Variants in THOC2 observed in about 807,000 individuals in gnomAD.
THOC2 encodes the protein THO complex subunit 2.
In THOC2, 10 loss-of-function variants were observed where a neutral mutation model predicts 128.4. That is an observed-to-expected ratio of 0.08 (90% CI 0.05 to 0.13). THOC2 has a LOEUF of 0.13. THOC2 is among the 10% of genes least tolerant of loss of function. The probability of loss-of-function intolerance (pLI) is 1.00; values close to 1 mark genes in which losing one functional copy is unlikely to be tolerated. For synonymous variants in THOC2, 393 were observed against 396.9 expected, an observed-to-expected ratio of 0.99 and a Z score of 0.12; for missense variants, 535 against 1,155.7, an observed-to-expected ratio of 0.46 and a Z score of 7.79.
At chrX:123,719,537 A>G (rs944832955) in intron 1 of THOC2, among the ~76,000 whole-genome samples, 5 of 109,440 alleles carry the variant, frequency 4.6e-5, no homozygotes, top group African/African-American at 1.7e-4. Context: ...TCTACAATCA[A>G]CATATGCTGA....
Position 123,623,848 on chromosome X carries a change from C to T in THOC2, c.3442G>A (p.Val1148Ile). The T allele has an allele frequency of 8.3e-7, 1 of 1,210,960 alleles. No individual in the cohort carries two copies. Among genetic ancestry groups the T allele is most frequent in the Admixed American group, 2.2e-5 (1 of 45,809 alleles). Reference protein sequence around the residue: ...LNLGQALERRVHKICQEEKEK... With the variant: ...LNLGQALERRIHKICQEEKEK... ...TTTTCTTCTTGGCAGATTTTGTGTA[C>T]TCTTCTTTCCAAAGCTTGACCCAGA... Residue 1148 changes from valine to isoleucine, a missense_variant, in exon 28 of 39, where the codon GTA (valine) becomes ATA (isoleucine). By Grantham distance (29) the Val-to-Ile change is conservative. Coordinates refer to ENST00000245838, the MANE Select transcript of THOC2 (RefSeq NM_001081550.2).
At chrX:123,626,163 G>C in intron 24 of THOC2, 94 bp from the exon 25 acceptor site, 1 of 606,935 alleles carries the variant, frequency 1.6e-6, no homozygotes, top group Non-Finnish European at 2.5e-6. Context: ...TTAGTGAAGA[G>C]AATACTATAA....
chrX:123,678,554 A>G (rs2049610572), intron 8 of THOC2, among the ~76,000 whole-genome samples: 1 of 110,628 alleles, frequency 9.0e-6, no homozygotes, highest in Admixed American at 9.7e-5. Flanking sequence ...GGCGTGAGCT[A>G]CCGTGCCTGG....
intron 2 of THOC2, among the ~76,000 whole-genome samples, chrX:123,710,985 A>G (rs2051161621): frequency 1.0e-5 from 1 of 98,561 alleles, no homozygotes; most frequent in Admixed American, 1.1e-4. Flanking sequence ...GCGAGATTCC[A>G]TCTCAAAAAA....
At chrX:123,650,899 C>T (rs975641994) in intron 12 of THOC2, among the ~76,000 whole-genome samples, 10 of 111,588 alleles carry the variant, frequency 9.0e-5, no homozygotes, top group African/African-American at 2.6e-4. Flanking sequence ...GACAGATCAA[C>T]GACACAGAAA....
chrX:123,700,732 C>T (rs970097952), intron 4 of THOC2, among the ~76,000 whole-genome samples: 1 of 112,052 alleles, frequency 8.9e-6, no homozygotes, highest in Non-Finnish European at 1.9e-5. Context: ...AAAATCACAG[C>T]TTCGCTGAAC....
rs376948470 is a variant in THOC2, at chrX:123,626,696, A to G, written c.2758-34T>C. 1,246 of 1,137,847 alleles carry G rather than the reference A, an allele frequency of 1.1e-3. 4 individuals carry two copies. Among genetic ancestry groups the G allele is most frequent in the Middle Eastern group, 3.5e-3 (13 of 3,761 alleles). The allele number at this position is 1,137,847 out of a possible 1,213,427, so 93.8% of individuals were successfully genotyped here. A position where few individuals can be genotyped will look rare whatever the true frequency, so the allele number is the denominator to read the frequency against. On this transcript the variant is annotated intron_variant, in intron 23 of 38. Transcript: ENST00000245838. ...AATTCAATTAGACACTTTTCTAACT[A>G]TATGCACATTACCTTTCTTCTTTTA... is the stretch of plus-strand genomic sequence containing the variant.
intron 1 of THOC2, among the ~76,000 whole-genome samples, chrX:123,714,251 C>T (rs780041048): frequency 8.9e-6 from 1 of 111,771 alleles, no homozygotes; most frequent in Admixed American, 9.5e-5. Context: ...CTAAATTGAT[C>T]TTTTTTAAGA....
rs1804001368 is a variant in THOC2, at chrX:123,704,071, TA to T, written c.223-567del. Among the ~76,000 whole-genome samples, 5 of 110,711 alleles carry T rather than the reference TA, an allele frequency of 4.5e-5. No homozygotes were observed. The South Asian group carries it at 1.5e-3, about 33-fold the overall frequency. ...AAATGTCTACCATAAAATAACTTGA[TA>T]AAAAAACAGAAACCTAAACAAGCAC... On this transcript the variant is annotated intron_variant, in intron 3 of 38. Coordinates refer to ENST00000245838, the MANE Select transcript of THOC2 (RefSeq NM_001081550.2).
In THOC2 at chrX:123,623,976, A is replaced by C; in HGVS notation, c.3319-5T>G. ...TTCAAGGCAATGTACCGATGCCTAC[A>C]ACAAACATTTTCAGATCCATTATTA... is the stretch of plus-strand genomic sequence containing the variant. On this transcript the variant is annotated splice_polypyrimidine_tract_variant and splice_region_variant and intron_variant, in intron 27 of 38. Transcript: ENST00000245838. The C allele has an allele frequency of 8.4e-7, 1 of 1,188,484 alleles. No individual in the cohort carries two copies.
At chrX:123,626,795 G>A (rs2147613192) in intron 23 of THOC2, 133 bp from the exon 24 acceptor site, 1 of 555,309 alleles carries the variant, frequency 1.8e-6, no homozygotes, top group South Asian at 3.6e-5. Context: ...ACTTGAACGT[G>A]CTACTTTTAT....
intron 1 of THOC2, among the ~76,000 whole-genome samples, chrX:123,714,709 T>C (rs2051332617): frequency 2.7e-5 from 3 of 112,165 alleles, no homozygotes; most frequent in South Asian, 3.7e-4. Context: ...TTCCAGGCTC[T>C]AACATGTGAT....
chrX:123,653,238 G>A (rs1330406498), intron 12 of THOC2, among the ~76,000 whole-genome samples: 1 of 111,639 alleles, frequency 9.0e-6, no homozygotes, highest in Non-Finnish European at 1.9e-5. Flanking sequence ...ACTGAAACTG[G>A]ACCCCTTCCT....
chrX:123,638,382 G>A (rs1327815740), intron 17 of THOC2, among the ~76,000 whole-genome samples: 1 of 111,740 alleles, frequency 8.9e-6, no homozygotes, highest in Non-Finnish European at 1.9e-5. Context: ...AAGCCAACTG[G>A]GTGCAGTGGC....
intron 15 of THOC2, among the ~76,000 whole-genome samples, 161 bp from the exon 16 acceptor site, chrX:123,640,783 T>C (rs1209800137): frequency 8.9e-6 from 1 of 111,900 alleles, no homozygotes; most frequent in East Asian, 2.8e-4. Flanking sequence ...TATGGTAGGA[T>C]TTGGGCTATT....
At chrX:123,698,103 AAAG>A (rs1181874131) in intron 4 of THOC2, among the ~76,000 whole-genome samples, 1 of 111,749 alleles carries the variant, frequency 8.9e-6, no homozygotes, top group African/African-American at 3.2e-5. Flanking sequence ...AAAAAAAAAA[AAAG>A]ATTATTTTAG....
intron 1 of THOC2, among the ~76,000 whole-genome samples, chrX:123,721,472 C>T (rs1002594897): frequency 6.6e-5 from 7 of 106,712 alleles, no homozygotes; most frequent in Non-Finnish European, 1.2e-4. Flanking sequence ...TGTGCCTGGG[C>T]AAGCATGTCT....
intron 12 of THOC2, among the ~76,000 whole-genome samples, chrX:123,645,928 C>T (rs1301565206): frequency 4.8e-5 from 5 of 105,253 alleles, no homozygotes; most frequent in East Asian, 3.1e-4. Context: ...TGCCATTGCA[C>T]GCCAGCCTGG....
At chrX:123,610,817 C>G (rs1036057318) in intron 38 of THOC2, 101 bp downstream of exon 38, 3 of 688,867 alleles carry the variant, frequency 4.4e-6, no homozygotes, top group East Asian at 7.7e-5. Context: ...GTGAAAAAAA[C>G]AAGTAGTTGT....
Sources: allele counts gnomAD v4.1 joint callset (sites outside exome capture counted in the v4.1 genomes callset), GRCh38; gene constraint gnomAD v4.1.1; transcripts MANE v1.5; gene names NCBI Gene and HGNC (gene_info 2026-07-23, HGNC 2026-07-21).